LRP5: variants seen among roughly 807,000 people sequenced by gnomAD.
LRP5 encodes the protein LDL receptor related protein 5.
LRP5 carries 62 observed loss-of-function variants against 154.1 expected under a neutral mutation model. The ratio of observed to expected loss-of-function variants is 0.40; its 90% CI spans 0.33 to 0.50. The LOEUF (loss-of-function observed/expected upper bound fraction) is 0.50. Ranked by LOEUF, LRP5 falls within the 20% of genes least tolerant of loss-of-function variation. LRP5 has a pLI of 0.55. For synonymous variants in LRP5, 966 were observed against 1,011.5 expected (o/e 0.96, Z 0.85); for missense variants, 1,915 against 2,336.7 (o/e 0.82, Z 3.72).
In LRP5 at chr11:68,443,585, ATTTTTTTTT is replaced by A. The variant is rs1219762322; in HGVS notation, c.4489-2845_4489-2837del. On this transcript the variant is annotated intron_variant, in intron 21 of 22. Transcript: ENST00000294304. ...TATATATATATATATATATATATAT[ATTTTTTTTT>A]TTTTTGGTTATGTTCAGAAAGGCCT... 1.6e-4 allele frequency among the ~76,000 whole-genome samples: 4 copies of A among 24,846 alleles called. No individual in the cohort carries two copies. In the East Asian group the frequency reaches 6.2e-3, roughly 39 times the overall value. The allele number at this position is 24,846 out of a possible 152,430, so 16.3% of individuals were successfully genotyped here. A position where few individuals can be genotyped will look rare whatever the true frequency, so the allele number is the denominator to read the frequency against.
In LRP5 at chr11:68,429,583, C is replaced by G; in HGVS notation, c.3646C>G (p.Pro1216Ala). The change falls in exon 17 of 23, where the codon CCA becomes GCA. Residue 1216 changes from proline to alanine, a missense_variant. Physicochemically the swap from Pro to Ala is conservative, Grantham distance 27. Transcript: ENST00000294304. ...EVSLEEFSAH[P>A]CARDNGGCSH... is the part of the protein sequence containing the mutation. ...TTGTTTTGTCTTTGCAGCAGCCCAC[C>G]CATGTGCCCGTGACAATGGTGGCTG... The G allele has an allele frequency of 6.2e-7, 1 of 1,614,142 alleles. No homozygotes were observed. Among genetic ancestry groups the G allele is most frequent in the Non-Finnish European group, 8.5e-7 (1 of 1,180,052 alleles).
intron 13 of LRP5, among the ~76,000 whole-genome samples, chr11:68,419,932 G>A (rs1037560080): frequency 2.0e-5 from 3 of 151,848 alleles, no homozygotes; most frequent in African/African-American, 7.3e-5. Flanking sequence ...CGCCTCCCAG[G>A]CTCAAGTTGT....
At chr11:68,382,881 A>ATT (rs34825808) in intron 5 of LRP5, among the ~76,000 whole-genome samples, 3 of 146,978 alleles carry the variant, frequency 2.0e-5, no homozygotes, top group African/African-American at 7.6e-5. Flanking sequence ...TACTTTAATG[A>ATT]TTTTTTTTTT....
chr11:68,370,410 G>C lies in LRP5; in HGVS notation c.1015+4708G>C, dbSNP rs555792641. Among the ~76,000 whole-genome samples the C allele has an allele frequency of 9.1e-4, 139 of 152,238 alleles. 2 individuals are homozygous for C. Among genetic ancestry groups the C allele is most frequent in the Non-Finnish European group, 3.2e-4 (22 of 67,978 alleles). Reference sequence around the variant, plus strand: ...TAGAGGAGGCTGCCTGCGCTCACAGGGGGTGGTTAGGCTACCCAGAGGAGG... The same window carrying C: ...TAGAGGAGGCTGCCTGCGCTCACAGCGGGTGGTTAGGCTACCCAGAGGAGG... On this transcript the variant is annotated intron_variant, in intron 5 of 22. Coordinates refer to ENST00000294304, the MANE Select transcript of LRP5 (RefSeq NM_002335.4).
At chr11:68,364,699 C>T (rs1273523444) in intron 4 of LRP5, among the ~76,000 whole-genome samples, 1 of 152,088 alleles carries the variant, frequency 6.6e-6, no homozygotes, top group African/African-American at 2.4e-5. Flanking sequence ...ATGGAGATTT[C>T]TGGCCAGGCC....
At chr11:68,387,028 G>A (rs893130791) in intron 6 of LRP5, among the ~76,000 whole-genome samples, 8 of 152,162 alleles carry the variant, frequency 5.3e-5, no homozygotes, top group Admixed American at 1.3e-4. Flanking sequence ...AGAATGGAAC[G>A]GTCCATCTGG....
At chr11:68,356,495 A>G (rs930850518) in intron 2 of LRP5, among the ~76,000 whole-genome samples, 2 of 152,080 alleles carry the variant, frequency 1.3e-5, no homozygotes, top group African/African-American at 4.8e-5. Context: ...TTCACAGCAA[A>G]ATTGATGAGC....
At chr11:68,424,975 G>C in intron 14 of LRP5, 127 bp from the exon 15 acceptor site, 1 of 728,008 alleles carries the variant, frequency 1.4e-6, no homozygotes, top group Non-Finnish European at 2.4e-6. Flanking sequence ...TATAGAATGT[G>C]ACCTGTCAGC....
At chr11:68,348,384 C>G (rs1305526027) in intron 2 of LRP5, 141 bp downstream of exon 2, 3 of 969,164 alleles carry the variant, frequency 3.1e-6, no homozygotes, top group South Asian at 1.6e-5. Flanking sequence ...TGGCTCAGGC[C>G]TGTAACCCCA....
the LRP5 span, among the ~76,000 whole-genome samples, chr11:68,304,285 G>T: frequency 1.3e-5 from 2 of 152,260 alleles, no homozygotes; most frequent in African/African-American, 4.8e-5. Flanking sequence ...TCAGGCTGCT[G>T]CTTCAGAGGG....
At chr11:68,417,449 C>CTTTTGTTTT (rs2098663196) in intron 13 of LRP5, among the ~76,000 whole-genome samples, 1 of 41,598 alleles carries the variant, frequency 2.4e-5, no homozygotes, top group Non-Finnish European at 4.0e-5. Flanking sequence ...AACAGATTGG[C>CTTTTGTTTT]TTTTTTTTTT....
intron 21 of LRP5, among the ~76,000 whole-genome samples, chr11:68,441,534 C>T (rs544184186): frequency 3.3e-5 from 5 of 152,286 alleles, no homozygotes; most frequent in Admixed American, 6.5e-5. Context: ...AACCAGAAGC[C>T]GAGAGTTTAA....
chr11:68,356,193 G>A (rs2098623088), intron 2 of LRP5, among the ~76,000 whole-genome samples: 1 of 149,690 alleles, frequency 6.7e-6, no homozygotes, highest in Non-Finnish European at 1.5e-5. Context: ...CCAGGCTGGA[G>A]TGCAGTGGTA....
Position 68,413,441 on chromosome 11 carries a change from G to A in LRP5, c.2504-248G>A, listed in dbSNP as rs189998688. Among the ~76,000 whole-genome samples the A allele has an allele frequency of 7.8e-4, 119 of 152,298 alleles. No individual in the cohort carries two copies. The highest frequency in any genetic ancestry group is 1.3e-3 in the Non-Finnish European group (87 of 68,018). On this transcript the variant is annotated intron_variant, in intron 11 of 22. Coordinates refer to ENST00000294304, the MANE Select transcript of LRP5 (RefSeq NM_002335.4). The surrounding 1 kb of genome is among the most constrained non-coding windows in gnomAD (Gnocchi z 5.1). The stretch of plus-strand genomic sequence containing the variant: ...GATGAGAACAAGAACCTGGAGTCTC[G>A]CTGCCTGGGTGGTAATCCTGGCCCT...
At chr11:68,299,646 A>C in the LRP5 span, among the ~76,000 whole-genome samples, 6 of 147,050 alleles carry the variant, frequency 4.1e-5, no homozygotes, top group Admixed American at 4.2e-4. Flanking sequence ...ACAGTGGCGC[A>C]ATCTCAGCTC....
rs560274022 is a variant in LRP5 at position 68,351,329 on chromosome 11, C to T, written c.488+3086C>T. Among the ~76,000 whole-genome samples, 8 of 152,212 alleles carry T rather than the reference C, an allele frequency of 5.3e-5. No homozygotes were observed. The South Asian group carries it at 1.2e-3, about 24-fold the overall frequency. On this transcript the variant is annotated intron_variant, in intron 2 of 22. Coordinates refer to ENST00000294304, the MANE Select transcript of LRP5 (RefSeq NM_002335.4). ...GGAGCCAGCTGACCTCCGGGGCAGC[C>T]TCTGTTCCGCTTGGTGAACTGTTGC...
chr11:68,440,248 T>G (rs1001093165), intron 21 of LRP5, among the ~76,000 whole-genome samples: 3 of 152,232 alleles, frequency 2.0e-5, no homozygotes, highest in Non-Finnish European at 4.4e-5. Flanking sequence ...CAGGCCTGTC[T>G]GCCCTCTGTG....
the LRP5 span, among the ~76,000 whole-genome samples, chr11:68,304,357 A>G: frequency 6.6e-6 from 1 of 152,258 alleles, no homozygotes; most frequent in East Asian, 1.9e-4. Flanking sequence ...GCAGAGTGCA[A>G]GAGTGAAGGA....
intron 19 of LRP5, among the ~76,000 whole-genome samples, chr11:68,437,908 G>T (rs142477426): frequency 6.6e-6 from 1 of 152,372 alleles, no homozygotes; most frequent in East Asian, 1.9e-4. Flanking sequence ...TGACTTCATC[G>T]ACGCCCTCAG....
Sources: gnomAD v4.1 joint callset for allele counts (sites outside exome capture counted in the v4.1 genomes callset) on GRCh38, gnomAD v4.1.1 for gene constraint, Gnocchi (gnomAD v3.1) non-coding constraint, MANE v1.5 for transcripts, NCBI Gene and HGNC (gene_info 2026-07-23, HGNC 2026-07-21) for gene names.